The following NUP93 variants were observed in gnomAD, a reference collection of about 807,000 sequenced individuals.
NUP93 encodes nucleoporin 93.
NUP93 carries 55 observed loss-of-function variants against 107.8 expected under a neutral mutation model. The ratio of observed to expected loss-of-function variants is 0.51; its 90% confidence interval spans 0.41 to 0.64. The LOEUF is 0.64. Ranked by LOEUF, NUP93 falls within the 30% of genes least tolerant of loss-of-function variation. NUP93 has a pLI of 0.00. For missense variants in NUP93, 937 were observed against 1,044.7 expected (o/e 0.90, Z 1.42); for synonymous variants, 390 against 397.5 (o/e 0.98, Z 0.22).
intron 3 of NUP93, among the ~76,000 whole-genome samples, chr16:56,774,764 T>G (rs986341170): frequency 1.4e-4 from 21 of 152,178 alleles, no homozygotes; most frequent in African/African-American, 4.8e-4. Flanking sequence ...AGGTGGATGA[T>G]TTGGTTGCCT....
At chr16:56,827,656 A>G (rs1041141698) in intron 8 of NUP93, among the ~76,000 whole-genome samples, 1 of 152,228 alleles carries the variant, frequency 6.6e-6, no homozygotes, top group Non-Finnish European at 1.5e-5. Flanking sequence ...CCTGAATCAA[A>G]TAATGATCCA....
intron 5 of NUP93, among the ~76,000 whole-genome samples, chr16:56,807,478 A>G (rs1963167530): frequency 6.6e-6 from 1 of 152,224 alleles, no homozygotes. Context: ...TATTGAAGAT[A>G]AGGATCTTTG....
intron 3 of NUP93, among the ~76,000 whole-genome samples, chr16:56,787,484 C>T (rs1962653957): frequency 6.6e-6 from 1 of 152,238 alleles, no homozygotes; most frequent in Non-Finnish European, 1.5e-5. Context: ...CCTGGCAAAG[C>T]TGCTCAGCTC....
chr16:56,783,686 C>G, intron 3 of NUP93: 1 of 985,384 alleles, frequency 1.0e-6, no homozygotes, highest in Non-Finnish European at 1.2e-6. Flanking sequence ...TAACAATTAG[C>G]TGTATCATGG....
rs557498689 is a variant in NUP93 at position 56,748,383 on chromosome 16, C to T, written c.136C>T (p.Arg46Cys). Residue 46 changes from arginine to cysteine, a missense_variant, in exon 2 of 22, where the codon CGT (arginine) becomes TGT (cysteine). Arg to Cys is a radical substitution (Grantham distance 180). Coordinates refer to ENST00000308159, the MANE Select transcript of NUP93 (RefSeq NM_014669.5). ...GCAGGCGGGAGAGCGCCTGCGTTCC[C>T]GTACCCTAACACGCACGTCCCAGGA... is the stretch of plus-strand genomic sequence containing the variant. ...IQQAGERLRS[R>C]TLTRTSQETA... 6.2e-6 allele frequency: 10 copies of T among 1,613,880 alleles called. No homozygotes were observed. The highest frequency in any genetic ancestry group is 4.4e-5 in the South Asian group (4 of 91,054).
chr16:56,823,192 G>GACTC (rs1451128700), intron 7 of NUP93, among the ~76,000 whole-genome samples: 1 of 152,170 alleles, frequency 6.6e-6, no homozygotes, highest in Non-Finnish European at 1.5e-5. Context: ...GGGAGGCTGT[G>GACTC]ACGCTCACCA....
intron 20 of NUP93, chr16:56,839,984 A>T: frequency 5.3e-6 from 1 of 189,148 alleles, no homozygotes; most frequent in East Asian, 1.6e-4. Context: ...ACACATCATG[A>T]TTCACTGCCA....
chr16:56,749,159 T>C (rs1567375141), intron 2 of NUP93, among the ~76,000 whole-genome samples: 1 of 152,176 alleles, frequency 6.6e-6, no homozygotes, highest in African/African-American at 2.4e-5. Context: ...TAGACATGGT[T>C]CTTGCTCTCA....
chr16:56,823,666 G>A, intron 7 of NUP93, 41 bp from the exon 8 acceptor site: 1 of 1,606,268 alleles, frequency 6.2e-7, no homozygotes, highest in Non-Finnish European at 8.5e-7. Flanking sequence ...TAATTTCTCT[G>A]GCCCTGCAGC....
At chr16:56,755,341 T>A (rs1388288343) in intron 2 of NUP93, among the ~76,000 whole-genome samples, 2 of 150,804 alleles carry the variant, frequency 1.3e-5, no homozygotes, top group African/African-American at 4.9e-5. Flanking sequence ...GAAAGCATTA[T>A]GTTAAATGAA....
At chr16:56,816,379 A>G (rs560211937) in intron 5 of NUP93, among the ~76,000 whole-genome samples, 86 of 152,264 alleles carry the variant, frequency 5.6e-4, no homozygotes, top group Non-Finnish European at 1.0e-3. Context: ...TATATTTCTC[A>G]CCTACCAAGA....
chr16:56,831,732 T>TGAAG (rs1963790195), intron 10 of NUP93, 110 bp from the exon 11 acceptor site: 2 of 1,119,342 alleles, frequency 1.8e-6, no homozygotes. Flanking sequence ...TTACCCCGGA[T>TGAAG]GAAGGAAGGC....
chr16:56,773,292 A>G (rs1755289007), intron 3 of NUP93, among the ~76,000 whole-genome samples: 1 of 152,200 alleles, frequency 6.6e-6, no homozygotes, highest in South Asian at 2.1e-4. Context: ...CCAACCTCAT[A>G]TATGCTTTTC....
intron 3 of NUP93, among the ~76,000 whole-genome samples, chr16:56,767,536 G>T (rs1962236315): frequency 6.6e-6 from 1 of 152,078 alleles, no homozygotes; most frequent in African/African-American, 2.4e-5. Context: ...AAGGATATGG[G>T]GGAGAGTTTC....
Position 56,805,339 on chromosome 16 carries a change from C to T in NUP93, c.361-165C>T, listed in dbSNP as rs759404499. ...CTGGGATTACAGGTGTAAACCACCA[C>T]GCTCAGCCAGTAAATTCTTCAAAGA... On this transcript the variant is annotated intron_variant, in intron 4 of 21. Coordinates refer to ENST00000308159, the MANE Select transcript of NUP93 (RefSeq NM_014669.5). 54 of 722,490 alleles carry T rather than the reference C, an allele frequency of 7.5e-5. No individual in the cohort carries two copies. The Middle Eastern group carries it at 2.0e-3, about 27-fold the overall frequency. 44.8% of individuals were successfully genotyped at this position (722,490 alleles called of 1,614,324 possible).
At chr16:56,739,338 C>T (rs1961667074) in intron 1 of NUP93, among the ~76,000 whole-genome samples, 7 of 47,954 alleles carry the variant, frequency 1.5e-4, no homozygotes, top group African/African-American at 4.7e-4. Flanking sequence ...GCTGGCCGGG[C>T]AGGGGGGCTG....
intron 3 of NUP93, among the ~76,000 whole-genome samples, chr16:56,762,848 G>T (rs117850959): frequency 0.016 from 2,365 of 152,174 alleles, 24 homozygotes; most frequent in Middle Eastern, 0.054. Flanking sequence ...TTAGGGCAGG[G>T]TATCTTCGGT....
chr16:56,838,959 G>A lies in NUP93; in HGVS notation c.2026G>A (p.Ala676Thr). The part of the protein sequence containing the change: ...MALSIAERYR[A>T]QGISANKFVD... Reference sequence around the variant, plus strand: ...CCCGTTTTTGTCTTTCAGGTATAGGGCTCAAGGAATAAGCGCAAATAAATT... The same window carrying A: ...CCCGTTTTTGTCTTTCAGGTATAGGACTCAAGGAATAAGCGCAAATAAATT... The change falls in exon 19 of 22, where the codon GCT becomes ACT. Residue 676 changes from alanine (A) to threonine (T), a missense_variant. By Grantham distance (58) the Ala-to-Thr change is moderately conservative. Coordinates refer to ENST00000308159, the MANE Select transcript of NUP93 (RefSeq NM_014669.5). 6.2e-7 allele frequency: 1 copy of A among 1,613,008 alleles called. No individual in the cohort carries two copies. Among genetic ancestry groups the A allele is most frequent in the Non-Finnish European group, 8.5e-7 (1 of 1,179,392 alleles).
intron 1 of NUP93, among the ~76,000 whole-genome samples, chr16:56,746,156 G>A (rs1567374042): frequency 6.6e-6 from 1 of 152,086 alleles, no homozygotes; most frequent in African/African-American, 2.4e-5. Flanking sequence ...AAAAATAATG[G>A]GCGGAGGGGT....
Sources: allele counts gnomAD v4.1 joint callset (sites outside exome capture counted in the v4.1 genomes callset), GRCh38; gene constraint gnomAD v4.1.1; transcripts MANE v1.5; gene names NCBI Gene and HGNC (gene_info 2026-07-23, HGNC 2026-07-21).